The following ATXN7L1 variants were observed in gnomAD, a reference collection of about 807,000 sequenced individuals.
ATXN7L1 encodes the protein ataxin 7 like 1.
Under a neutral mutation model 70.8 loss-of-function variants are expected in ATXN7L1, and 15 were observed. That is an observed-to-expected ratio of 0.21 (90% CI 0.14 to 0.33). The LOEUF is 0.33. ATXN7L1 is among the 10% of genes least tolerant of loss of function. ATXN7L1 has a pLI of 1.00. For missense variants in ATXN7L1, 975 were observed against 1,097.1 expected, an observed-to-expected ratio of 0.89 and a Z score of 1.57; for synonymous variants, 440 against 445.1, an observed-to-expected ratio of 0.99 and a Z score of 0.14.
chr7:105,627,414 T>G (rs187363734), intron 7 of ATXN7L1, among the ~76,000 whole-genome samples: 1 of 152,192 alleles, frequency 6.6e-6, no homozygotes, highest in African/African-American at 2.4e-5. Context: ...TTAAAATTTT[T>G]TATAGAGACA....
intron 3 of ATXN7L1, among the ~76,000 whole-genome samples, chr7:105,786,219 G>A (rs960694451): frequency 2.0e-5 from 3 of 152,164 alleles, no homozygotes; most frequent in Admixed American, 1.3e-4. Flanking sequence ...TTTGAGGGAC[G>A]AGATCAGTAA....
intron 5 of ATXN7L1, 136 bp downstream of exon 5, chr7:105,642,702 G>C: frequency 8.8e-7 from 1 of 1,138,498 alleles, no homozygotes; most frequent in Non-Finnish European, 1.2e-6. Flanking sequence ...TGGGGTTCCT[G>C]TTTGCAGGTA....
chr7:105,846,975 A>G (rs1456035348), intron 2 of ATXN7L1, among the ~76,000 whole-genome samples: 1 of 152,212 alleles, frequency 6.6e-6, no homozygotes, highest in Non-Finnish European at 1.5e-5. Flanking sequence ...ATGGTCAGCA[A>G]CTGCTAATGG....
chr7:105,733,541 CCCAT>C (rs1796857081), intron 3 of ATXN7L1, among the ~76,000 whole-genome samples: 2 of 21,376 alleles, frequency 9.4e-5, no homozygotes, highest in Admixed American at 5.7e-4. Context: ...CATCCATCCA[CCCAT>C]CCATCCATCC....
At chr7:105,764,552 C>G (rs958534699) in intron 3 of ATXN7L1, among the ~76,000 whole-genome samples, 1 of 152,182 alleles carries the variant, frequency 6.6e-6, no homozygotes, top group Non-Finnish European at 1.5e-5. Context: ...AAGGATTAAA[C>G]ATCTAAATCA....
intron 4 of ATXN7L1, among the ~76,000 whole-genome samples, chr7:105,662,082 CTTTCT>C (rs147718380): frequency 0.04 from 3,104 of 77,984 alleles, 57 homozygotes; most frequent in Middle Eastern, 0.063. Context: ...TTCCTTCCTT[CTTTCT>C]TTTCTTTTCT....
At chr7:105,612,713 A>G (rs1434584223) in intron 10 of ATXN7L1, among the ~76,000 whole-genome samples, 1 of 152,162 alleles carries the variant, frequency 6.6e-6, no homozygotes, top group Non-Finnish European at 1.5e-5. Context: ...CTCGGTTTGC[A>G]GCTTGTCTGG....
At chr7:105,784,532 G>C (rs1803999620) in intron 3 of ATXN7L1, among the ~76,000 whole-genome samples, 1 of 152,118 alleles carries the variant, frequency 6.6e-6, no homozygotes, top group Non-Finnish European at 1.5e-5. Flanking sequence ...GGAGAAGCGG[G>C]AGGTGGCACA....
intron 3 of ATXN7L1, among the ~76,000 whole-genome samples, chr7:105,683,220 T>C (rs569033444): frequency 6.6e-6 from 1 of 152,340 alleles, no homozygotes; most frequent in Admixed American, 6.5e-5. Context: ...CACACATGCA[T>C]ACACATGCAT....
intron 9 of ATXN7L1, among the ~76,000 whole-genome samples, chr7:105,616,175 G>A (rs760853744): frequency 2.8e-4 from 43 of 152,232 alleles, no homozygotes; most frequent in Non-Finnish European, 4.6e-4. Context: ...AGCAGCACAT[G>A]AAGGTGAGCA....
chr7:105,795,209 T>C (rs997153269), intron 2 of ATXN7L1, among the ~76,000 whole-genome samples: 2 of 152,228 alleles, frequency 1.3e-5, no homozygotes, highest in Non-Finnish European at 2.9e-5. Context: ...AGTAAAGTAC[T>C]AACTGACTTC....
chr7:105,833,451 T>C (rs1334768131), intron 2 of ATXN7L1, among the ~76,000 whole-genome samples: 2 of 152,180 alleles, frequency 1.3e-5, no homozygotes, highest in African/African-American at 4.8e-5. Context: ...AGCAAATAGA[T>C]GTACTCACAC....
chr7:105,754,974 TA>T (rs1264931916), intron 3 of ATXN7L1, among the ~76,000 whole-genome samples: 1 of 152,292 alleles, frequency 6.6e-6, no homozygotes, highest in African/African-American at 2.4e-5. Flanking sequence ...GGGACAGACA[TA>T]AATGTTGTGT....
At chr7:105,824,762 C>T (rs1810627189) in intron 2 of ATXN7L1, among the ~76,000 whole-genome samples, 1 of 151,694 alleles carries the variant, frequency 6.6e-6, no homozygotes, top group Admixed American at 6.6e-5. Flanking sequence ...GAAGAATATG[C>T]ATTTCCAAAT....
intron 3 of ATXN7L1, among the ~76,000 whole-genome samples, chr7:105,787,362 T>C (rs1804458181): frequency 6.6e-6 from 1 of 152,170 alleles, no homozygotes; most frequent in South Asian, 2.1e-4. Flanking sequence ...CCTCCTCCTA[T>C]AGCGCTTTCT....
At chr7:105,804,061 G>A (rs1459292239) in intron 2 of ATXN7L1, among the ~76,000 whole-genome samples, 2 of 152,138 alleles carry the variant, frequency 1.3e-5, no homozygotes, top group Admixed American at 6.5e-5. Context: ...AGAGAAATGG[G>A]CATCCCTTAG....
intron 3 of ATXN7L1, among the ~76,000 whole-genome samples, chr7:105,727,778 ACACACAC>A (rs1796076249): frequency 1.3e-5 from 1 of 78,778 alleles, no homozygotes; most frequent in Non-Finnish European, 2.6e-5. Flanking sequence ...ATATATATAT[ACACACAC>A]ATACACACAT....
intron 2 of ATXN7L1, among the ~76,000 whole-genome samples, chr7:105,873,141 A>G (rs912378451): frequency 2.1e-5 from 3 of 145,964 alleles, no homozygotes; most frequent in African/African-American, 7.7e-5. Flanking sequence ...GCGGCAGAGC[A>G]AGACTCCGTC....
chr7:105,693,258 C>T (rs1219132123), intron 3 of ATXN7L1, among the ~76,000 whole-genome samples: 2 of 152,098 alleles, frequency 1.3e-5, no homozygotes, highest in Non-Finnish European at 2.9e-5. Context: ...GTGGTGCCAT[C>T]ATAGCTCACT....
Sources: gnomAD v4.1 joint callset for allele counts (sites outside exome capture counted in the v4.1 genomes callset) on GRCh38, gnomAD v4.1.1 for gene constraint, MANE v1.5 for transcripts, NCBI Gene and HGNC (gene_info 2026-07-23, HGNC 2026-07-21) for gene names.